Variants in LRIG1 observed in about 807,000 individuals in gnomAD.
LRIG1 encodes the protein leucine rich repeats and immunoglobulin like domains 1, also known as leucine-rich repeats and immunoglobulin-like domains protein 1.
A neutral mutation model predicts 99.2 loss-of-function variants in LRIG1; 48 were observed. That is an observed-to-expected ratio of 0.48 (90% confidence interval 0.38 to 0.62). The LOEUF (loss-of-function observed/expected upper bound fraction) is 0.62. Ranked by LOEUF, LRIG1 falls within the 20% of genes least tolerant of loss-of-function variation. The probability of loss-of-function intolerance (pLI) is 0.00; values close to 1 mark genes in which losing one functional copy is unlikely to be tolerated. For missense variants in LRIG1, 1,646 were observed against 1,434.4 expected (o/e 1.15, Z -2.38); for synonymous variants, 772 against 596.1 (o/e 1.29, Z -4.30).
chr3:66,470,576 C>T (rs1158432577), intron 1 of LRIG1, among the ~76,000 whole-genome samples: 2 of 152,164 alleles, frequency 1.3e-5, no homozygotes, highest in African/African-American at 4.8e-5. Context: ...GACCCACAAC[C>T]CACCAGGCGG....
At chr3:66,435,662 T>C (rs917027136) in intron 3 of LRIG1, among the ~76,000 whole-genome samples, 1 of 152,118 alleles carries the variant, frequency 6.6e-6, no homozygotes, top group Non-Finnish European at 1.5e-5. Flanking sequence ...CTTGCAATGA[T>C]ACAAATATTC....
chr3:66,453,350 A>G (rs1309099142), intron 2 of LRIG1, among the ~76,000 whole-genome samples: 2 of 152,246 alleles, frequency 1.3e-5, no homozygotes, highest in Non-Finnish European at 2.9e-5. Flanking sequence ...GCTTTTCAGT[A>G]TATTAATGCA....
chr3:66,412,012 A>T (rs1395481916), intron 6 of LRIG1, among the ~76,000 whole-genome samples: 1 of 152,192 alleles, frequency 6.6e-6, no homozygotes, highest in Non-Finnish European at 1.5e-5. Context: ...TATACAGTCA[A>T]ATTACTTTTG....
At chr3:66,451,465 T>C in intron 3 of LRIG1, 94 bp downstream of exon 3, 1 of 999,558 alleles carries the variant, frequency 1.0e-6, no homozygotes, top group Non-Finnish European at 1.5e-6. Flanking sequence ...AGCGAGCACA[T>C]GAACTCAAGT....
At chr3:66,382,522 T>G in intron 15 of LRIG1, 124 bp from the exon 16 acceptor site, 1 of 1,113,888 alleles carries the variant, frequency 9.0e-7, no homozygotes, top group Non-Finnish European at 1.3e-6. Flanking sequence ...TGCAGAGAGA[T>G]GACATGGAGT....
chr3:66,410,093 A>C lies in LRIG1; in HGVS notation c.935+36T>G, dbSNP rs768931924. On this transcript the variant is annotated intron_variant, in intron 7 of 18. Transcript: ENST00000273261. The stretch of plus-strand genomic sequence containing the variant: ...CACTTTCACCTCCAAGCAGTGTCTA[A>C]AAACACTGCCACAGCCCAGAGCCGA... The C allele has an allele frequency of 3.2e-6, 5 of 1,580,720 alleles. No homozygotes were observed. The South Asian group carries it at 4.7e-5, about 15-fold the overall frequency.
At chr3:66,430,664 T>C (rs17832187) in intron 3 of LRIG1, among the ~76,000 whole-genome samples, 9,294 of 152,188 alleles carry the variant, frequency 0.061, 361 homozygotes, top group South Asian at 0.15. Context: ...GTTAGTTCCA[T>C]GTCCACACGG....
intron 8 of LRIG1, chr3:66,405,894 A>G (rs983667639): frequency 9.7e-5 from 101 of 1,040,642 alleles, no homozygotes; most frequent in Middle Eastern, 8.1e-4. Context: ...AACTCAGCCC[A>G]GGCCCCTCCA....
intron 15 of LRIG1, 151 bp from the exon 16 acceptor site, chr3:66,382,549 C>T: frequency 3.4e-6 from 3 of 880,180 alleles, no homozygotes; most frequent in Admixed American, 2.1e-5. Context: ...ACGCAACAGG[C>T]CCTCCCAGAG....
intron 9 of LRIG1, among the ~76,000 whole-genome samples, chr3:66,401,357 C>A (rs1391668771): frequency 6.6e-6 from 1 of 152,188 alleles, no homozygotes; most frequent in African/African-American, 2.4e-5. Context: ...TTACTCAGAT[C>A]CCCCCGCCCA....
chr3:66,431,966 T>A (rs1271915521), intron 3 of LRIG1, among the ~76,000 whole-genome samples: 1 of 152,228 alleles, frequency 6.6e-6, no homozygotes, highest in African/African-American at 2.4e-5. Flanking sequence ...AGTACGATGA[T>A]AATGGAATCC....
intron 3 of LRIG1, among the ~76,000 whole-genome samples, chr3:66,444,068 G>C (rs1290826532): frequency 6.6e-6 from 1 of 152,196 alleles, no homozygotes; most frequent in Non-Finnish European, 1.5e-5. Context: ...TCAGATACGA[G>C]TGACTGATAA....
chr3:66,495,454 T>C (rs373780955), intron 1 of LRIG1, among the ~76,000 whole-genome samples: 29 of 152,224 alleles, frequency 1.9e-4, no homozygotes, highest in African/African-American at 6.5e-4. Flanking sequence ...AAATGTCACA[T>C]AGCTCATTCA....
At chr3:66,441,903 C>T (rs879037855) in intron 3 of LRIG1, among the ~76,000 whole-genome samples, 1 of 152,180 alleles carries the variant, frequency 6.6e-6, no homozygotes. Context: ...GCTTTAGGTG[C>T]CTCATCTGTA....
At chr3:66,384,334 C>T (rs1157954330) in intron 13 of LRIG1, 62 bp from the exon 14 acceptor site, 2 of 1,522,022 alleles carry the variant, frequency 1.3e-6, no homozygotes, top group Non-Finnish European at 1.8e-6. Context: ...CCAGGAAGTC[C>T]TCTGGCAAAC....
intron 12 of LRIG1, 148 bp from the exon 13 acceptor site, chr3:66,386,449 G>A (rs1328166381): frequency 5.0e-5 from 33 of 661,792 alleles, no homozygotes; most frequent in Non-Finnish European, 5.0e-5. Flanking sequence ...CCAACCAGAT[G>A]CCGTAAGAGT....
intron 1 of LRIG1, among the ~76,000 whole-genome samples, chr3:66,471,280 C>T (rs1020086569): frequency 2.0e-5 from 3 of 152,226 alleles, no homozygotes; most frequent in Non-Finnish European, 4.4e-5. Flanking sequence ...CTATTCTCTA[C>T]TTTATCATCT....
rs1463377003 is a variant in LRIG1 at position 66,415,084 on chromosome 3, A to G, written c.504-21T>C. On this transcript the variant is annotated intron_variant, in intron 4 of 18. Transcript: ENST00000273261. Reference sequence around the variant, plus strand: ...GGTTGCTGGAATGATTCAGAAAAGAAAATGTGGTGGTTGGTCAAAGGCCTT... The same window carrying G: ...GGTTGCTGGAATGATTCAGAAAAGAGAATGTGGTGGTTGGTCAAAGGCCTT... 1.9e-6 allele frequency: 3 copies of G among 1,582,088 alleles called. No individual in the cohort carries two copies. The African/African-American group carries it at 4.1e-5, about 21-fold the overall frequency.
chr3:66,412,810 C>T, intron 6 of LRIG1, 61 bp downstream of exon 6: 9 of 1,590,590 alleles, frequency 5.7e-6, no homozygotes, highest in Non-Finnish European at 6.9e-6. Flanking sequence ...CACACACACG[C>T]CACATCACAC....
Sources: gnomAD v4.1 joint callset for allele counts (sites outside exome capture counted in the v4.1 genomes callset) on GRCh38, gnomAD v4.1.1 for gene constraint, MANE v1.5 for transcripts, NCBI Gene and HGNC (gene_info 2026-07-23, HGNC 2026-07-21) for gene names.